The following MCPH1 variants were observed in gnomAD, a reference collection of about 807,000 sequenced individuals.
MCPH1 encodes the protein microcephalin.
Under a neutral mutation model 84.5 loss-of-function variants are expected in MCPH1, and 104 were observed. That is an observed-to-expected ratio of 1.23 (90% CI 1.05 to 1.45). The LOEUF is 1.45. MCPH1 is among the 40% of genes most tolerant of loss of function. The pLI is 0.00. For synonymous variants in MCPH1, 514 were observed against 366.8 expected, an observed-to-expected ratio of 1.40 and a Z score of -4.58; for missense variants, 1,498 against 1,005.7, an observed-to-expected ratio of 1.49 and a Z score of -6.62.
intron 13 of MCPH1, among the ~76,000 whole-genome samples, chr8:6,635,989 G>A (rs1041306306): frequency 6.6e-6 from 1 of 152,220 alleles, no homozygotes; most frequent in Non-Finnish European, 1.5e-5. Flanking sequence ...TTTTTACTGT[G>A]AAGTACTTAT....
chr8:6,454,686 T>G (rs1277666607), intron 8 of MCPH1, among the ~76,000 whole-genome samples: 1 of 152,186 alleles, frequency 6.6e-6, no homozygotes, highest in African/African-American at 2.4e-5. Flanking sequence ...TCATCATCCA[T>G]CATTTGTAGG....
intron 11 of MCPH1, chr8:6,499,548 TAAAA>T (rs1222319830): frequency 6.1e-6 from 1 of 164,092 alleles, no homozygotes; most frequent in Non-Finnish European, 1.3e-5. Context: ...AACTTGGAAT[TAAAA>T]ATATATATAT....
chr8:6,611,859 C>T (rs1312778883), intron 12 of MCPH1, among the ~76,000 whole-genome samples: 1 of 152,132 alleles, frequency 6.6e-6, no homozygotes, highest in East Asian at 1.9e-4. Context: ...ACCTCGTGAT[C>T]CACCCACCTC....
intron 9 of MCPH1, among the ~76,000 whole-genome samples, chr8:6,466,283 C>T (rs139030445): frequency 1.3e-5 from 2 of 151,488 alleles, no homozygotes; most frequent in Non-Finnish European, 2.9e-5. Context: ...ACTAGAGGCA[C>T]GTTCCATCAC....
chr8:6,633,229 G>C (rs1308493852), intron 13 of MCPH1, among the ~76,000 whole-genome samples: 1 of 151,982 alleles, frequency 6.6e-6, no homozygotes, highest in Admixed American at 6.6e-5. Context: ...AAAATTACAA[G>C]AATTATACAG....
At chr8:6,431,616 G>A in intron 4 of MCPH1, 30 bp downstream of exon 4, 1 of 1,384,956 alleles carries the variant, frequency 7.2e-7, no homozygotes, top group Non-Finnish European at 1.0e-6. Flanking sequence ...GTAGATAATG[G>A]CAATTAGGAA....
At chr8:6,503,275 A>T (rs983978576) in intron 12 of MCPH1, 1 of 1,614,010 alleles carries the variant, frequency 6.2e-7, no homozygotes, top group Non-Finnish European at 8.5e-7. Flanking sequence ...TGAAAGTAAA[A>T]CACAGAAGGA....
chr8:6,625,539 TAAATTAAATTATGA>T (rs1243320230), intron 13 of MCPH1: 3 of 537,102 alleles, frequency 5.6e-6, no homozygotes, highest in African/African-American at 4.6e-5. Context: ...TTTGTTTAAA[TAAATTAAATTATGA>T]AAAGACAATA....
chr8:6,459,386 C>G (rs1806033368), intron 9 of MCPH1, among the ~76,000 whole-genome samples: 1 of 152,164 alleles, frequency 6.6e-6, no homozygotes, highest in Non-Finnish European at 1.5e-5. Flanking sequence ...AGCGATTCTG[C>G]TGCCTCAGCC....
At chr8:6,540,848 C>T (rs948259191) in intron 12 of MCPH1, among the ~76,000 whole-genome samples, 5 of 152,194 alleles carry the variant, frequency 3.3e-5, no homozygotes, top group African/African-American at 7.2e-5. Context: ...GGTTCGCACA[C>T]GTGGACTCAG....
intron 8 of MCPH1, among the ~76,000 whole-genome samples, chr8:6,453,161 T>C (rs1416965697): frequency 6.6e-6 from 1 of 151,986 alleles, no homozygotes; most frequent in Non-Finnish European, 1.5e-5. Context: ...AAGAGGAGGG[T>C]AGGTGTTTGT....
intron 9 of MCPH1, among the ~76,000 whole-genome samples, chr8:6,455,699 G>C (rs985940635): frequency 3.2e-4 from 48 of 152,144 alleles, no homozygotes; most frequent in African/African-American, 1.1e-3. Flanking sequence ...TGTGGTTTTG[G>C]CTTTAAAACC....
intron 13 of MCPH1, among the ~76,000 whole-genome samples, chr8:6,633,371 G>A (rs1299214511): frequency 1.3e-5 from 2 of 152,176 alleles, no homozygotes; most frequent in East Asian, 3.8e-4. Flanking sequence ...TTTAGCATTT[G>A]TATACCCAAT....
intron 12 of MCPH1, among the ~76,000 whole-genome samples, chr8:6,539,997 C>G (rs1370344226): frequency 6.6e-6 from 1 of 152,110 alleles, no homozygotes; most frequent in African/African-American, 2.4e-5. Context: ...TATATAACTC[C>G]AAGATGTATT....
At chr8:6,415,110 G>A (rs1190174476) in intron 3 of MCPH1, among the ~76,000 whole-genome samples, 2 of 151,980 alleles carry the variant, frequency 1.3e-5, no homozygotes, top group Non-Finnish European at 2.9e-5. Flanking sequence ...TGCAGGTCCT[G>A]AAGCTGGGTA....
At chr8:6,446,517 T>G in intron 8 of MCPH1, 12 of 984,550 alleles carry the variant, frequency 1.2e-5, no homozygotes, top group Non-Finnish European at 1.4e-5. Context: ...TTTGGCCTGC[T>G]ATTTATATCT....
rs895119052 is a variant in MCPH1 at position 6,535,229 on chromosome 8, C to A, written c.2214+35300C>A. On this transcript the variant is annotated intron_variant, in intron 12 of 13. Coordinates refer to ENST00000344683, the MANE Select transcript of MCPH1 (RefSeq NM_024596.5). ...GGGAAAATGAATCCTCTAATACTGC[C>A]TTCCCCCATTTCTAGAGCTACTGAG... Among the ~76,000 whole-genome samples the A allele has an allele frequency of 2.0e-5, 3 of 152,308 alleles. No individual in the cohort carries two copies. In the East Asian group the frequency reaches 5.8e-4, roughly 29 times the overall value.
chr8:6,491,321 G>A (rs1477022892), intron 11 of MCPH1, among the ~76,000 whole-genome samples: 1 of 150,732 alleles, frequency 6.6e-6, no homozygotes, highest in East Asian at 1.9e-4. Context: ...CTCACTTATG[G>A]AGAATACACC....
intron 12 of MCPH1, among the ~76,000 whole-genome samples, chr8:6,524,329 A>G (rs751797565): frequency 6.6e-6 from 1 of 152,238 alleles, no homozygotes; most frequent in Non-Finnish European, 1.5e-5. Flanking sequence ...GTCACATTAG[A>G]AGCTGGTGAA....
Sources: allele counts gnomAD v4.1 joint callset (sites outside exome capture counted in the v4.1 genomes callset), GRCh38; gene constraint gnomAD v4.1.1; transcripts MANE v1.5; gene names NCBI Gene and HGNC (gene_info 2026-07-23, HGNC 2026-07-21).